PHF14: variants seen among roughly 807,000 people sequenced by gnomAD.
PHF14 encodes PHD finger protein 14.
In PHF14, 55 loss-of-function variants were observed where a neutral mutation model predicts 117.9. The observed-to-expected ratio is 0.47, with a 90% CI of 0.38 to 0.58. The LOEUF (loss-of-function observed/expected upper bound fraction) is 0.58. PHF14 is among the 20% of genes least tolerant of loss of function. The pLI is 0.00. For synonymous variants in PHF14, 409 were observed against 368.6 expected (o/e 1.11, Z -1.26); for missense variants, 978 against 1,122.2 (o/e 0.87, Z 1.84).
At chr7:10,991,202 A>T (rs1011658102) in intron 4 of PHF14, among the ~76,000 whole-genome samples, 5 of 151,642 alleles carry the variant, frequency 3.3e-5, no homozygotes, top group African/African-American at 7.3e-5. Context: ...TATTTTTGAG[A>T]TGATGTCTCG....
intron 8 of PHF14, 47 bp downstream of exon 8, chr7:11,035,833 G>C (rs1017157221): frequency 1.3e-6 from 2 of 1,488,504 alleles, no homozygotes; most frequent in East Asian, 2.3e-5. Context: ...TTAAGGTTAT[G>C]TAAGGATTTT....
At chr7:11,039,309 A>T (rs370059828) in intron 11 of PHF14, among the ~76,000 whole-genome samples, 1 of 151,824 alleles carries the variant, frequency 6.6e-6, no homozygotes, top group Non-Finnish European at 1.5e-5. Flanking sequence ...TTTTATGTTA[A>T]TTTGGTTTTC....
chr7:11,151,376 T>G (rs924028492), intron 17 of PHF14, among the ~76,000 whole-genome samples: 51 of 152,010 alleles, frequency 3.4e-4, no homozygotes, highest in Non-Finnish European at 4.4e-5. Flanking sequence ...GGCAACATAG[T>G]GAGACCACCC....
chr7:11,068,373 A>AAAC (rs1785496309), intron 16 of PHF14, among the ~76,000 whole-genome samples: 3 of 150,856 alleles, frequency 2.0e-5, no homozygotes, highest in African/African-American at 4.9e-5. Flanking sequence ...AAAAAAAAAA[A>AAAC]TCTGATACTG....
At chr7:11,157,660 A>G (rs1243378280) in intron 17 of PHF14, among the ~76,000 whole-genome samples, 1 of 152,208 alleles carries the variant, frequency 6.6e-6, no homozygotes, top group Non-Finnish European at 1.5e-5. Context: ...TTACAGTTGA[A>G]TAATTTTCTA....
At chr7:11,005,602 T>A (rs1583354586) in intron 4 of PHF14, among the ~76,000 whole-genome samples, 1 of 152,210 alleles carries the variant, frequency 6.6e-6, no homozygotes, top group Non-Finnish European at 1.5e-5. Flanking sequence ...CTGTTAATTC[T>A]GTAATTCTTC....
intron 17 of PHF14, among the ~76,000 whole-genome samples, chr7:11,136,599 T>C (rs1363274944): frequency 6.6e-6 from 1 of 152,228 alleles, no homozygotes; most frequent in Non-Finnish European, 1.5e-5. Flanking sequence ...TGCCATGTTC[T>C]ATTCTAACAT....
intron 17 of PHF14, among the ~76,000 whole-genome samples, chr7:11,164,474 CTG>C (rs1020428843): frequency 1.9e-4 from 29 of 152,234 alleles, no homozygotes; most frequent in African/African-American, 7.0e-4. Flanking sequence ...GGAAAGCAAA[CTG>C]TTAATTATAG....
At chr7:10,995,802 C>A (rs1384796673) in intron 4 of PHF14, among the ~76,000 whole-genome samples, 1 of 152,210 alleles carries the variant, frequency 6.6e-6, no homozygotes, top group Admixed American at 6.5e-5. Flanking sequence ...AGGTGCTAAG[C>A]CCCTCACTGC....
rs572470837 is a variant in PHF14, at chr7:11,107,768, C to G, written c.2655-3582C>G. ...TCCCTATACTTTTGTGGGTCAATGACTGCTTCTGAAAAAGTTTTTTAAAAC... is the reference window on the plus strand; with the variant it reads ...TCCCTATACTTTTGTGGGTCAATGAGTGCTTCTGAAAAAGTTTTTTAAAAC... On this transcript the variant is annotated intron_variant, in intron 16 of 17. Coordinates refer to ENST00000634607, the MANE Select transcript of PHF14 (RefSeq NM_001007157.2). 1.3e-5 allele frequency: 11 copies of G among 871,610 alleles called. No individual in the cohort carries two copies. In the Admixed American group the frequency reaches 6.3e-4, roughly 50 times the overall value. The allele number at this position is 871,610 out of a possible 1,614,324, so 54.0% of individuals were successfully genotyped here.
intron 4 of PHF14, among the ~76,000 whole-genome samples, chr7:11,008,458 T>G (rs1490581752): frequency 6.6e-6 from 1 of 152,104 alleles, no homozygotes; most frequent in African/African-American, 2.4e-5. Flanking sequence ...TCCTGTCGGA[T>G]CAGTGGCAGC....
intron 5 of PHF14, among the ~76,000 whole-genome samples, chr7:11,016,391 C>T (rs1479767908): frequency 6.6e-6 from 1 of 151,910 alleles, no homozygotes; most frequent in African/African-American, 2.4e-5. Flanking sequence ...TTTTGAAGTT[C>T]ACCATCACAT....
chr7:11,120,215 C>CTG (rs985803588), intron 17 of PHF14, among the ~76,000 whole-genome samples: 3 of 151,824 alleles, frequency 2.0e-5, no homozygotes, highest in Non-Finnish European at 4.4e-5. Context: ...GGGCTCAGGT[C>CTG]TTAACTATTT....
intron 4 of PHF14, among the ~76,000 whole-genome samples, chr7:10,997,136 A>G (rs1382814313): frequency 6.6e-6 from 1 of 152,162 alleles, no homozygotes; most frequent in African/African-American, 2.4e-5. Context: ...TACGTGCTTT[A>G]CTTACTTTTT....
chr7:11,036,508 T>C lies in PHF14; in HGVS notation c.1693T>C (p.Leu565=), dbSNP rs367847437. Residue 565 remains leucine, a synonymous_variant, in exon 9 of 18, where the codon TTG becomes CTG. Transcript: ENST00000634607. ...RPQAWVPREK[L]PRPLTSSASA... ...CCAGGCCTGGGTTCCAAGGGAAAAA[T>C]TGCCCAGACCACTCACCAGCAGTGC... The C allele has an allele frequency of 8.7e-6, 14 of 1,613,756 alleles. No homozygotes were observed. The highest frequency in any genetic ancestry group is 1.2e-5 in the Non-Finnish European group (14 of 1,179,846).
intron 7 of PHF14, among the ~76,000 whole-genome samples, chr7:11,033,061 T>C (rs1308574844): frequency 2.0e-5 from 3 of 152,226 alleles, no homozygotes; most frequent in Non-Finnish European, 4.4e-5. Flanking sequence ...CAAAAGCGCA[T>C]GTGCTTATTT....
chr7:11,067,987 T>G (rs1785479715), intron 16 of PHF14, among the ~76,000 whole-genome samples: 1 of 152,112 alleles, frequency 6.6e-6, no homozygotes, highest in Non-Finnish European at 1.5e-5. Flanking sequence ...ATTTCAACAT[T>G]AGGTTTGTAG....
At chr7:11,109,540 C>T (rs542186232) in intron 16 of PHF14, 1 of 151,966 alleles carries the variant, frequency 6.6e-6, no homozygotes, top group African/African-American at 2.4e-5. Flanking sequence ...TCAGCCTTCT[C>T]ATAAACTCAG....
At chr7:11,122,331 T>TATA (rs1787779306) in intron 17 of PHF14, among the ~76,000 whole-genome samples, 7 of 84,052 alleles carry the variant, frequency 8.3e-5, no homozygotes, top group African/African-American at 4.1e-4. Flanking sequence ...TTTGTACTTT[T>TATA]TATATATATA....
Sources: allele counts gnomAD v4.1 joint callset (sites outside exome capture counted in the v4.1 genomes callset), GRCh38; gene constraint gnomAD v4.1.1; transcripts MANE v1.5; gene names NCBI Gene and HGNC (gene_info 2026-07-23, HGNC 2026-07-21).